COL27A1: variants seen among roughly 807,000 people sequenced by gnomAD.
COL27A1 encodes collagen type XXVII alpha 1 chain, also known as collagen alpha-1(XXVII) chain.
COL27A1 carries 106 observed loss-of-function variants against 251.3 expected under a neutral mutation model. That is an observed-to-expected ratio of 0.42 (90% CI 0.36 to 0.50). The LOEUF (loss-of-function observed/expected upper bound fraction) is 0.50. Ranked by LOEUF, COL27A1 falls within the 20% of genes least tolerant of loss-of-function variation. COL27A1 has a pLI of 0.00. For missense variants in COL27A1, 2,325 were observed against 2,522.8 expected (o/e 0.92, Z 1.68); for synonymous variants, 1,000 against 986.3 (o/e 1.01, Z -0.26).
Position 114,294,741 on chromosome 9 carries a change from TTGAC to T in COL27A1, c.4584+2535_4584+2538del, listed in dbSNP as rs1828151283. On this transcript the variant is annotated intron_variant, in intron 49 of 60. Coordinates refer to ENST00000356083, the MANE Select transcript of COL27A1 (RefSeq NM_032888.4). ...TAGTCAACATCATACTTAGTAGTGA[TTGAC>T]TGAATGCTTTTTTCCAAGGAGCAGA... 2.0e-5 allele frequency among the ~76,000 whole-genome samples: 3 copies of T among 152,210 alleles called. No homozygotes were observed. The South Asian group carries it at 6.2e-4, about 32-fold the overall frequency.
chr9:114,297,978 G>A (rs756145865), intron 49 of COL27A1, among the ~76,000 whole-genome samples: 46 of 151,972 alleles, frequency 3.0e-4, no homozygotes, highest in Non-Finnish European at 5.2e-4. Flanking sequence ...TAGCATCAAA[G>A]AGAATAAAAT....
chr9:114,165,649 TATCCATCCATCC>T (rs58004565), intron 2 of COL27A1, among the ~76,000 whole-genome samples: 2 of 136,440 alleles, frequency 1.5e-5, no homozygotes, highest in South Asian at 2.5e-4. Context: ...TCCATCCATT[TATCCATCCATCC>T]ATCCATCCAT....
intron 50 of COL27A1, 141 bp downstream of exon 50, chr9:114,300,264 C>A: frequency 1.3e-6 from 1 of 776,014 alleles, no homozygotes; most frequent in Non-Finnish European, 2.1e-6. Context: ...ACACCCTCAT[C>A]CCCCAGTACT....
intron 2 of COL27A1, among the ~76,000 whole-genome samples, chr9:114,163,965 T>G (rs546147465): frequency 4.9e-4 from 75 of 152,236 alleles, no homozygotes; most frequent in Non-Finnish European, 7.6e-4. Flanking sequence ...TGGGCTGAAT[T>G]CATTCCCCTG....
intron 5 of COL27A1, among the ~76,000 whole-genome samples, chr9:114,185,251 C>G (rs557327365): frequency 2.6e-5 from 4 of 152,238 alleles, no homozygotes; most frequent in South Asian, 2.1e-4. Flanking sequence ...GGACAGGACT[C>G]CCATTTGCAT....
intron 5 of COL27A1, among the ~76,000 whole-genome samples, chr9:114,185,376 A>G (rs1828262600): frequency 6.6e-6 from 1 of 152,262 alleles, no homozygotes; most frequent in Non-Finnish European, 1.5e-5. Flanking sequence ...CTTTGCCTGG[A>G]CACTTGGCCC....
At chr9:114,160,425 G>C (rs1242671132) in intron 1 of COL27A1, among the ~76,000 whole-genome samples, 1 of 152,058 alleles carries the variant, frequency 6.6e-6, no homozygotes, top group Non-Finnish European at 1.5e-5. Flanking sequence ...AAAGTGCTGG[G>C]ATTACAGGTG....
intron 5 of COL27A1, among the ~76,000 whole-genome samples, chr9:114,193,246 G>A (rs946704321): frequency 2.0e-5 from 3 of 152,164 alleles, no homozygotes; most frequent in African/African-American, 7.2e-5. Context: ...TTTCCACAGG[G>A]CTGTTTCCTG....
At chr9:114,225,375 T>G (rs1001793995) in intron 14 of COL27A1, among the ~76,000 whole-genome samples, 20 of 152,246 alleles carry the variant, frequency 1.3e-4, no homozygotes, top group Admixed American at 4.6e-4. Flanking sequence ...TCCTTCATGC[T>G]GTGTCTTTTT....
chr9:114,182,117 T>C (rs1037551470), intron 4 of COL27A1, among the ~76,000 whole-genome samples: 14 of 151,496 alleles, frequency 9.2e-5, no homozygotes, highest in Non-Finnish European at 1.5e-5. Flanking sequence ...GGCAGGAGGA[T>C]TGCTTCAGGC....
chr9:114,219,931 A>G, intron 13 of COL27A1, 87 bp downstream of exon 13: 1 of 1,009,150 alleles, frequency 9.9e-7, no homozygotes, highest in Non-Finnish European at 1.6e-6. Flanking sequence ...AGGGTCAGAC[A>G]GACCTGGGTC....
intron 49 of COL27A1, among the ~76,000 whole-genome samples, chr9:114,297,913 T>C (rs112902244): frequency 0.014 from 2,191 of 152,322 alleles, 23 homozygotes; most frequent in Non-Finnish European, 0.025. Context: ...TATATGTCTA[T>C]ACACTAGCAA....
At position 114,168,713 on chromosome 9, in the gene COL27A1, T is replaced by C; in HGVS notation, c.1158T>C (p.His386=). 1 of 1,613,908 alleles carries C rather than the reference T, an allele frequency of 6.2e-7. No homozygotes were observed. The highest frequency in any genetic ancestry group is 8.5e-7 in the Non-Finnish European group (1 of 1,179,994). ...CAATTGTGCCCATCAAAAGCCCCCATCCTACCCAGAAAACAGCTCCATCTT... is the reference window on the plus strand; with the variant it reads ...CAATTGTGCCCATCAAAAGCCCCCACCCTACCCAGAAAACAGCTCCATCTT... ...STSIVPIKSP[H]PTQKTAPSSF... Residue 386 remains histidine (H), a synonymous_variant, in exon 3 of 61, where the codon CAT becomes CAC. Coordinates refer to ENST00000356083, the MANE Select transcript of COL27A1 (RefSeq NM_032888.4).
intron 10 of COL27A1, among the ~76,000 whole-genome samples, chr9:114,206,930 C>T (rs1340425496): frequency 6.6e-6 from 1 of 152,194 alleles, no homozygotes; most frequent in Non-Finnish European, 1.5e-5. Context: ...TGTGGGAAGA[C>T]AGAGAGGGTT....
chr9:114,237,425 C>A (rs1832472400), intron 18 of COL27A1, among the ~76,000 whole-genome samples: 1 of 152,204 alleles, frequency 6.6e-6, no homozygotes, highest in African/African-American at 2.4e-5. Context: ...TAATATTGCT[C>A]CCATTTTACA....
chr9:114,265,228 C>A (rs1834655663), intron 31 of COL27A1, 118 bp downstream of exon 31: 1 of 1,210,394 alleles, frequency 8.3e-7, no homozygotes, highest in Non-Finnish European at 1.2e-6. Flanking sequence ...GGAAACCCCG[C>A]AGGTTCTGGT....
chr9:114,306,466 C>T, intron 57 of COL27A1, 54 bp from the exon 58 acceptor site: 2 of 1,588,700 alleles, frequency 1.3e-6, no homozygotes, highest in South Asian at 1.1e-5. Context: ...AGGCTTGAAC[C>T]CCAGGCTGGA....
chr9:114,289,060 G>T, intron 44 of COL27A1, 93 bp downstream of exon 44: 1 of 1,494,930 alleles, frequency 6.7e-7, no homozygotes, highest in South Asian at 1.2e-5. Flanking sequence ...AGCTTAAAGG[G>T]ACCCTCCCTG....
rs1467683662 is a variant in COL27A1, at chr9:114,272,982, G to A, written c.3609+2201G>A. On this transcript the variant is annotated intron_variant, in intron 36 of 60. Coordinates refer to ENST00000356083, the MANE Select transcript of COL27A1 (RefSeq NM_032888.4). The stretch of plus-strand genomic sequence containing the variant: ...TCTGTAACTGAAGAGGGTTAAGGAA[G>A]GTGACTTGCAAGGCTCCTCTGAGCA... 7 of 152,350 alleles carry A rather than the reference G, an allele frequency of 4.6e-5. No homozygotes were observed. The East Asian group carries it at 1.4e-3, about 29-fold the overall frequency. The allele number at this position is 152,350 out of a possible 1,614,324, so 9.4% of individuals were successfully genotyped here.
Sources: gnomAD v4.1 joint callset for allele counts (sites outside exome capture counted in the v4.1 genomes callset) on GRCh38, gnomAD v4.1.1 for gene constraint, MANE v1.5 for transcripts, NCBI Gene and HGNC (gene_info 2026-07-23, HGNC 2026-07-21) for gene names.